PDE8B: variants seen among roughly 807,000 people sequenced by gnomAD.
PDE8B encodes the protein phosphodiesterase 8B.
Under a neutral mutation model 101.3 loss-of-function variants are expected in PDE8B, and 26 were observed. That is an observed-to-expected ratio of 0.26 (90% confidence interval 0.19 to 0.36). The LOEUF is 0.36. PDE8B is among the 10% of genes least tolerant of loss of function. The pLI is 1.00. For missense variants in PDE8B, 810 were observed against 1,163.1 expected, an observed-to-expected ratio of 0.70 and a Z score of 4.42; for synonymous variants, 424 against 429.3, an observed-to-expected ratio of 0.99 and a Z score of 0.15.
At chr5:77,186,548 C>T in the PDE8B span, among the ~76,000 whole-genome samples, 2 of 152,148 alleles carry the variant, frequency 1.3e-5, no homozygotes, top group African/African-American at 4.8e-5. Context: ...TGCAGACTTA[C>T]CTTCTCATGC....
intron 6 of PDE8B, among the ~76,000 whole-genome samples, chr5:77,341,026 A>G (rs1469797717): frequency 6.6e-6 from 1 of 152,184 alleles, no homozygotes; most frequent in Non-Finnish European, 1.5e-5. Context: ...GAAGAATAAA[A>G]CATAAAGATA....
intron 5 of PDE8B, among the ~76,000 whole-genome samples, chr5:77,336,131 A>G (rs547955430): frequency 2.6e-5 from 4 of 152,130 alleles, no homozygotes; most frequent in African/African-American, 4.8e-5. Context: ...ATTTTCTTCT[A>G]TGTTATTATT....
intron 1 of PDE8B, among the ~76,000 whole-genome samples, chr5:77,282,687 G>GT (rs1765253421): frequency 6.6e-6 from 1 of 152,026 alleles, no homozygotes; most frequent in Non-Finnish European, 1.5e-5. Flanking sequence ...TTCTTAGGCC[G>GT]TGAGTCCTCT....
intron 20 of PDE8B, among the ~76,000 whole-genome samples, chr5:77,423,383 G>A (rs1206474675): frequency 2.6e-5 from 4 of 152,158 alleles, no homozygotes; most frequent in Non-Finnish European, 4.4e-5. Flanking sequence ...ACCCAGTAAT[G>A]GGACGGCTGG....
chr5:77,153,556 T>G, the PDE8B span, among the ~76,000 whole-genome samples: 1 of 150,768 alleles, frequency 6.6e-6, no homozygotes, highest in Non-Finnish European at 1.5e-5. Context: ...CGTGGGCCCC[T>G]GACTCCAGCT....
intron 13 of PDE8B, 113 bp from the exon 14 acceptor site, chr5:77,408,779 AT>A: frequency 1.2e-6 from 1 of 866,966 alleles, no homozygotes; most frequent in Non-Finnish European, 2.0e-6. Context: ...AGCACTGGTC[AT>A]TTTGAATAAG....
chr5:77,095,167 G>GTT, the PDE8B span, among the ~76,000 whole-genome samples: 2 of 151,122 alleles, frequency 1.3e-5, no homozygotes, highest in African/African-American at 4.9e-5. Context: ...TTTCCCAGAT[G>GTT]TTTTTTTTTG....
chr5:77,131,372 G>C, the PDE8B span, among the ~76,000 whole-genome samples: 1 of 152,310 alleles, frequency 6.6e-6, no homozygotes, highest in South Asian at 2.1e-4. Context: ...AATGGCTCAG[G>C]CTTGCCCTCT....
the PDE8B span, among the ~76,000 whole-genome samples, chr5:77,196,245 A>G: frequency 6.6e-6 from 1 of 152,128 alleles, no homozygotes; most frequent in Non-Finnish European, 1.5e-5. Context: ...CTCTCTTGAT[A>G]GTGTCATTTG....
At chr5:77,112,320 T>A in the PDE8B span, 1 of 152,324 alleles carries the variant, frequency 6.6e-6, no homozygotes, top group East Asian at 1.9e-4. Flanking sequence ...AGACAAAATA[T>A]CGTAGCATTT....
At chr5:77,215,413 G>C (rs1749465554) in intron 1 of PDE8B, among the ~76,000 whole-genome samples, 1 of 152,180 alleles carries the variant, frequency 6.6e-6, no homozygotes, top group South Asian at 2.1e-4. Context: ...TTCTGCCATT[G>C]TATATATGAT....
chr5:77,405,531 G>A (rs929495241), intron 12 of PDE8B, among the ~76,000 whole-genome samples: 11 of 152,156 alleles, frequency 7.2e-5, no homozygotes, highest in African/African-American at 1.9e-4. Context: ...AGTCCTAGTG[G>A]TGACAGGTGA....
rs372645568 is a variant in PDE8B at position 77,322,312 on chromosome 5, A to G, written c.400-3227A>G. Among the ~76,000 whole-genome samples, 210 of 152,346 alleles carry G rather than the reference A, an allele frequency of 1.4e-3. 1 individual carries two copies. The highest frequency in any genetic ancestry group is 2.4e-3 in the Non-Finnish European group (162 of 68,030). ...AGGAATTAGCAACCCTGAGAAGGGC[A>G]GTCCTTCCAGGGTCAGCAAAGCCCC... On this transcript the variant is annotated intron_variant, in intron 2 of 21. Transcript: ENST00000264917.
chr5:77,411,661 C>G lies in PDE8B; in HGVS notation c.1531-15C>G, dbSNP rs532313596. ...ATATAAAGCATGCTTCTAACAGGCT[C>G]TTCCTTTATTCCAGGACGGCTTGAG... is the stretch of plus-strand genomic sequence containing the variant. On this transcript the variant is annotated splice_polypyrimidine_tract_variant and intron_variant, in intron 14 of 21. Transcript: ENST00000264917. The G allele has an allele frequency of 1.6e-5, 26 of 1,602,446 alleles. No homozygotes were observed. The South Asian group carries it at 2.5e-4, about 16-fold the overall frequency.
chr5:77,259,137 T>C (rs553338839), intron 1 of PDE8B, among the ~76,000 whole-genome samples: 2 of 124,410 alleles, frequency 1.6e-5, no homozygotes, highest in East Asian at 5.3e-4. Flanking sequence ...GCTCTCCAGC[T>C]GACCTGTTTG....
intron 10 of PDE8B, among the ~76,000 whole-genome samples, chr5:77,361,533 G>A (rs1179780118): frequency 3.5e-4 from 30 of 85,316 alleles, no homozygotes; most frequent in African/African-American, 1.3e-3. Context: ...TTTTTTTTTT[G>A]ACATGGAGTC....
At chr5:77,164,795 C>T in the PDE8B span, among the ~76,000 whole-genome samples, 1 of 152,116 alleles carries the variant, frequency 6.6e-6, no homozygotes, top group Non-Finnish European at 1.5e-5. Flanking sequence ...GGAAGGGACA[C>T]AGCAGGAGTG....
rs1176143656 is a variant in PDE8B, at chr5:77,210,944, A to T, written c.19A>T (p.Ile7Phe). MGCAPS[I>F]HVSQSGVIYC... Reference sequence around the variant, plus strand: ...CCGAGGGATGGGCTGCGCCCCCAGCATCCATGTCTCGCAGAGCGGCGTGAT... The same window carrying T: ...CCGAGGGATGGGCTGCGCCCCCAGCTTCCATGTCTCGCAGAGCGGCGTGAT... Residue 7 changes from isoleucine (I) to phenylalanine (F), a missense_variant, in exon 1 of 22, where the codon ATC (isoleucine) becomes TTC (phenylalanine). Physicochemically the swap from Ile to Phe is conservative, Grantham distance 21. Around this residue, in one of 4 missense-constraint regions of PDE8B, gnomAD observed 159 missense variants for 146.6 expected, o/e 1.08. Transcript: ENST00000264917. This position sits in a 1 kb window ranked among gnomAD's most constrained non-coding sequence, Gnocchi z 4.9. The T allele has an allele frequency of 1.3e-6, 2 of 1,507,162 alleles. No individual in the cohort carries two copies. Among genetic ancestry groups the T allele is most frequent in the Non-Finnish European group, 1.8e-6 (2 of 1,136,128 alleles). The allele number at this position is 1,507,162 out of a possible 1,614,324, so 93.4% of individuals were successfully genotyped here.
At position 77,254,267 on chromosome 5, in the gene PDE8B, T is replaced by G. The variant is rs142547416; in HGVS notation, c.339+43003T>G. Among the ~76,000 whole-genome samples the G allele has an allele frequency of 7.2e-3, 1,088 of 152,084 alleles. 7 individuals are homozygous for G. The highest frequency in any genetic ancestry group is 0.012 in the Non-Finnish European group (790 of 68,006). On this transcript the variant is annotated intron_variant, in intron 1 of 21. Transcript: ENST00000264917. ...TGAGACATCGTGAATCCCTTACTTT[T>G]AAAAGTAGATATGCATTATGCTCGG... is the stretch of plus-strand genomic sequence containing the variant.
Sources: allele counts gnomAD v4.1 joint callset (sites outside exome capture counted in the v4.1 genomes callset), GRCh38; gene constraint gnomAD v4.1.1; regional missense constraint gnomAD v4.1.1; non-coding constraint Gnocchi (gnomAD v3.1); transcripts MANE v1.5; gene names NCBI Gene and HGNC (gene_info 2026-07-23, HGNC 2026-07-21).